Variants in PRPF18 observed in about 807,000 individuals in gnomAD.
PRPF18 encodes pre-mRNA-splicing factor 18.
PRPF18 carries 38 observed loss-of-function variants against 46.5 expected under a neutral mutation model. That is an observed-to-expected ratio of 0.82 (90% CI 0.63 to 1.07). The LOEUF (loss-of-function observed/expected upper bound fraction) is 1.07. Ranked by LOEUF, PRPF18 falls within the 50% of genes least tolerant of loss-of-function variation. The probability of loss-of-function intolerance (pLI) is 0.00; values close to 1 mark genes in which losing one functional copy is unlikely to be tolerated. For missense variants in PRPF18, 263 were observed against 410.0 expected (o/e 0.64, Z 3.10); for synonymous variants, 152 against 146.7 (o/e 1.04, Z -0.26).
chr10:13,634,416 T>C (rs2080616959), downstream of PRPF18, among the ~76,000 whole-genome samples: 1 of 152,242 alleles, frequency 6.6e-6, no homozygotes, highest in Non-Finnish European at 1.5e-5. Context: ...TCTCAGACTC[T>C]TTCACTGAGC....
chr10:13,625,918 T>C (rs1033521261), intron 9 of PRPF18, among the ~76,000 whole-genome samples: 1 of 152,232 alleles, frequency 6.6e-6, no homozygotes, highest in East Asian at 1.9e-4. Flanking sequence ...ATGCACACAT[T>C]CTCTGTAGTC....
intron 3 of PRPF18, among the ~76,000 whole-genome samples, chr10:13,600,613 C>T (rs2080091717): frequency 6.6e-6 from 1 of 152,112 alleles, no homozygotes; most frequent in Non-Finnish European, 1.5e-5. Context: ...ATTAAATGCT[C>T]TTATGCTAAA....
chr10:13,622,647 CAG>C (rs1166162847), intron 9 of PRPF18, among the ~76,000 whole-genome samples: 1 of 152,206 alleles, frequency 6.6e-6, no homozygotes, highest in East Asian at 1.9e-4. Context: ...AAAAGAGCAG[CAG>C]AGTCTGTTTC....
chr10:13,653,503 G>T, the PRPF18 span: 3 of 152,282 alleles, frequency 2.0e-5, no homozygotes, highest in Admixed American at 1.3e-4. Context: ...TCAAAAAAAG[G>T]CCAAGTATGA....
chr10:13,607,120 C>G (rs1024607422), intron 4 of PRPF18, among the ~76,000 whole-genome samples: 2 of 152,140 alleles, frequency 1.3e-5, no homozygotes, highest in African/African-American at 4.8e-5. Context: ...GACACAGAGT[C>G]TCACTCCGTC....
chr10:13,654,832 G>C, the PRPF18 span: 2 of 398,030 alleles, frequency 5.0e-6, no homozygotes, highest in Non-Finnish European at 8.9e-6. Context: ...GGATGGTGAC[G>C]GTTTCTACAG....
At chr10:13,603,505 C>A (rs2080144747) in intron 3 of PRPF18, among the ~76,000 whole-genome samples, 1 of 152,156 alleles carries the variant, frequency 6.6e-6, no homozygotes, top group Non-Finnish European at 1.5e-5. Flanking sequence ...CACAACTTGG[C>A]CTAAGTTATA....
chr10:13,632,295 C>T (rs1024275992), downstream of PRPF18, among the ~76,000 whole-genome samples: 33 of 152,086 alleles, frequency 2.2e-4, no homozygotes, highest in African/African-American at 7.7e-4. Context: ...GAGCCGAGAT[C>T]GTGCCACTGC....
In PRPF18 at chr10:13,609,418, A is replaced by G. The variant is rs138587643; in HGVS notation, c.364-621A>G. Among the ~76,000 whole-genome samples the G allele has an allele frequency of 6.0e-3, 908 of 152,256 alleles. 5 individuals are homozygous for G. The highest frequency in any genetic ancestry group is 0.02 in the African/African-American group (815 of 41,540). On this transcript the variant is annotated intron_variant, in intron 4 of 9. Coordinates refer to ENST00000378572, the MANE Select transcript of PRPF18 (RefSeq NM_003675.4). ...TGAACCCAGATAGCTTTTACTCTCA[A>G]CCATTACCCTATAGCCGCCTCACAG... is the stretch of plus-strand genomic sequence containing the variant.
chr10:13,597,722 T>TA, intron 2 of PRPF18, 187 bp downstream of exon 2: 1 of 1,485,986 alleles, frequency 6.7e-7, no homozygotes, highest in South Asian at 1.2e-5. Context: ...TTCAGGAAAA[T>TA]ACATGCATGA....
At chr10:13,626,915 A>G (rs1477342607) in intron 9 of PRPF18, among the ~76,000 whole-genome samples, 1 of 151,662 alleles carries the variant, frequency 6.6e-6, no homozygotes, top group Non-Finnish European at 1.5e-5. Context: ...ATGGTTCTAT[A>G]TTCAAAGTAT....
intron 1 of PRPF18, among the ~76,000 whole-genome samples, chr10:13,592,910 G>T (rs982079519): frequency 2.6e-5 from 4 of 152,184 alleles, no homozygotes; most frequent in African/African-American, 7.2e-5. Flanking sequence ...CATAGCGCTG[G>T]CATAAAGAGC....
chr10:13,595,825 C>A (rs2080028103), intron 1 of PRPF18, among the ~76,000 whole-genome samples: 1 of 152,058 alleles, frequency 6.6e-6, no homozygotes, highest in Non-Finnish European at 1.5e-5. Context: ...TTTAGAAAAA[C>A]CTTATTCTGA....
the PRPF18 span, chr10:13,653,449 G>C: frequency 6.6e-6 from 1 of 152,298 alleles, no homozygotes; most frequent in Non-Finnish European, 1.5e-5. Context: ...GCAGTGAGCT[G>C]ATATCGCACC....
the PRPF18 span, chr10:13,647,567 G>GT: frequency 6.6e-6 from 1 of 152,136 alleles, no homozygotes; most frequent in Non-Finnish European, 1.5e-5. Context: ...CATTCAAAAT[G>GT]TGAGTTTTCC....
At chr10:13,598,448 T>G (rs1365638810) in intron 2 of PRPF18, among the ~76,000 whole-genome samples, 1 of 152,162 alleles carries the variant, frequency 6.6e-6, no homozygotes, top group Non-Finnish European at 1.5e-5. Context: ...CTGCATAGCA[T>G]TTTTAGAAGG....
intron 9 of PRPF18, among the ~76,000 whole-genome samples, chr10:13,628,491 C>T (rs898886888): frequency 2.0e-5 from 3 of 152,216 alleles, no homozygotes; most frequent in South Asian, 2.1e-4. Context: ...CTTACAATAC[C>T]CAACACAATG....
At chr10:13,593,341 A>G (rs2079990799) in intron 1 of PRPF18, among the ~76,000 whole-genome samples, 1 of 152,214 alleles carries the variant, frequency 6.6e-6, no homozygotes, top group African/African-American at 2.4e-5. Flanking sequence ...GAAGGAAGGA[A>G]GGAATGAGCA....
intron 1 of PRPF18, among the ~76,000 whole-genome samples, chr10:13,590,922 A>T (rs2133099053): frequency 1.3e-5 from 2 of 152,350 alleles, no homozygotes; most frequent in Middle Eastern, 6.8e-3. Context: ...TAATGTAACA[A>T]AGCACTGGAA....
Sources: allele counts gnomAD v4.1 joint callset (sites outside exome capture counted in the v4.1 genomes callset), GRCh38; gene constraint gnomAD v4.1.1; transcripts MANE v1.5; gene names NCBI Gene and HGNC (gene_info 2026-07-23, HGNC 2026-07-21).